Variants in EHBP1 observed in about 807,000 individuals in gnomAD.
EHBP1 encodes the protein EH domain-binding protein 1.
A neutral mutation model predicts 144.0 loss-of-function variants in EHBP1; 55 were observed. The observed-to-expected ratio is 0.38, with a 90% CI of 0.31 to 0.48. The LOEUF (loss-of-function observed/expected upper bound fraction) is 0.48, where lower values mean the gene tolerates loss of function less well. Among genes scored for constraint, EHBP1 ranks in the 20% least tolerant of loss-of-function variants. The probability of loss-of-function intolerance (pLI) is 0.98; values close to 1 mark genes in which losing one functional copy is unlikely to be tolerated. For synonymous variants in EHBP1, 469 were observed against 472.7 expected, an observed-to-expected ratio of 0.99 and a Z score of 0.10; for missense variants, 1,200 against 1,364.2, an observed-to-expected ratio of 0.88 and a Z score of 1.90.
intron 10 of EHBP1, among the ~76,000 whole-genome samples, chr2:62,912,969 G>A (rs1483682317): frequency 6.6e-6 from 1 of 152,162 alleles, no homozygotes; most frequent in Admixed American, 6.5e-5. Flanking sequence ...GATGCCAAGT[G>A]TGGATAATCA....
At chr2:62,885,292 G>A (rs377053981) in intron 10 of EHBP1, among the ~76,000 whole-genome samples, 5 of 152,020 alleles carry the variant, frequency 3.3e-5, no homozygotes, top group South Asian at 4.2e-4. Context: ...AATTCAAACT[G>A]CCCCACAGGC....
intron 1 of EHBP1, among the ~76,000 whole-genome samples, chr2:62,676,466 G>A (rs2033298000): frequency 6.6e-6 from 1 of 152,082 alleles, no homozygotes; most frequent in Non-Finnish European, 1.5e-5. Context: ...TTAAAAAATG[G>A]CCAGTGATGG....
At chr2:62,988,068 C>A in intron 15 of EHBP1, 2 of 1,282,756 alleles carry the variant, frequency 1.6e-6, no homozygotes, top group Non-Finnish European at 2.3e-6. Context: ...GTTTTGTGTC[C>A]TGCTGCATGG....
At chr2:62,698,706 A>G (rs747177138) in intron 1 of EHBP1, among the ~76,000 whole-genome samples, 1 of 152,250 alleles carries the variant, frequency 6.6e-6, no homozygotes, top group Non-Finnish European at 1.5e-5. Context: ...CTGTAAGCCC[A>G]GTCACTAATT....
chr2:62,705,539 G>A (rs2034461791), upstream of EHBP1: 1 of 152,104 alleles, frequency 6.6e-6, no homozygotes, highest in African/African-American at 2.4e-5. Flanking sequence ...TCCGGCTTCG[G>A]GGAAAAACCA....
chr2:63,036,543 A>T lies in EHBP1; in HGVS notation c.3104-992A>T, dbSNP rs562480209. Among the ~76,000 whole-genome samples, 14 of 152,112 alleles carry T rather than the reference A, an allele frequency of 9.2e-5. No individual in the cohort carries two copies. In the South Asian group the frequency reaches 1.5e-3, roughly 16 times the overall value. ...AATAGATATTTAAATTAACCTTATG[A>T]ATGCCATACAGAAGTTAGACTGAAA... On this transcript the variant is annotated intron_variant, in intron 19 of 22. Coordinates refer to ENST00000431489, the MANE Select transcript of EHBP1 (RefSeq NM_001142616.3).
chr2:62,831,590 T>C (rs1378944845), intron 7 of EHBP1, among the ~76,000 whole-genome samples: 1 of 152,244 alleles, frequency 6.6e-6, no homozygotes, highest in Non-Finnish European at 1.5e-5. Flanking sequence ...ATATATCTTA[T>C]GTATCCTGGT....
At chr2:62,773,178 T>C (rs562410227) in intron 5 of EHBP1, among the ~76,000 whole-genome samples, 1 of 152,250 alleles carries the variant, frequency 6.6e-6, no homozygotes, top group East Asian at 1.9e-4. Context: ...ACAAAGGAAG[T>C]GCTATATTCT....
intron 10 of EHBP1, among the ~76,000 whole-genome samples, chr2:62,939,144 AT>A (rs1334214672): frequency 6.6e-6 from 1 of 152,236 alleles, no homozygotes; most frequent in African/African-American, 2.4e-5. Flanking sequence ...CAGACAGATA[AT>A]AACCAGTAAG....
intron 15 of EHBP1, among the ~76,000 whole-genome samples, 175 bp downstream of exon 15, chr2:62,979,510 G>A (rs2058866345): frequency 6.6e-6 from 1 of 152,206 alleles, no homozygotes; most frequent in South Asian, 2.1e-4. Context: ...AACTGTTGCT[G>A]CTTTCCACAT....
chr2:62,802,860 G>T (rs1223519817), intron 5 of EHBP1, among the ~76,000 whole-genome samples: 2 of 151,986 alleles, frequency 1.3e-5, no homozygotes, highest in African/African-American at 2.4e-5. Flanking sequence ...CAATAGCTGG[G>T]ATTAGAGGTG....
chr2:62,985,444 G>A (rs146309132), intron 15 of EHBP1, among the ~76,000 whole-genome samples: 1 of 152,230 alleles, frequency 6.6e-6, no homozygotes, highest in East Asian at 1.9e-4. Flanking sequence ...AGGTACTTCC[G>A]TTGAAAACTG....
intron 6 of EHBP1, 193 bp downstream of exon 6, chr2:62,826,461 G>C (rs750732724): frequency 1.5e-5 from 7 of 470,512 alleles, no homozygotes; most frequent in Non-Finnish European, 2.6e-5. Context: ...AGAATGTACA[G>C]TAATATAAAC....
rs573492174 is a variant in EHBP1, at chr2:62,949,154, A to G, written c.2308A>G (p.Ile770Val). Residue 770 changes from isoleucine (I) to valine (V), a missense_variant, in exon 13 of 23, where the codon ATA becomes GTA. Ile to Val is a conservative substitution (Grantham distance 29). Around this residue, in one of 6 missense-constraint regions of EHBP1, gnomAD observed 543 missense variants for 513.1 expected, o/e 1.06. Transcript: ENST00000431489. ...TLNHADHSSK[I>V]VQHRLLSRQE... Reference sequence around the variant, plus strand: ...AAATCATGCAGATCATTCATCAAAAATAGTCCAGGTAAGTGAGTTAGAATG... The same window carrying G: ...AAATCATGCAGATCATTCATCAAAAGTAGTCCAGGTAAGTGAGTTAGAATG... 9 of 1,550,216 alleles carry G rather than the reference A, an allele frequency of 5.8e-6. No individual in the cohort carries two copies. The African/African-American group carries it at 8.3e-5, about 14-fold the overall frequency.
intron 1 of EHBP1, among the ~76,000 whole-genome samples, chr2:62,694,367 C>A (rs559806351): frequency 1.3e-4 from 19 of 151,992 alleles, no homozygotes; most frequent in Non-Finnish European, 2.2e-4. Flanking sequence ...GGAATGATAT[C>A]TTATATCTTA....
intron 15 of EHBP1, among the ~76,000 whole-genome samples, chr2:62,986,401 C>T (rs2153218935): frequency 6.6e-6 from 1 of 151,356 alleles, no homozygotes; most frequent in South Asian, 2.1e-4. Context: ...TTTTTGCCCC[C>T]CTGGTGTGGG....
At chr2:63,002,940 A>C (rs565610110) in intron 19 of EHBP1, among the ~76,000 whole-genome samples, 9 of 152,034 alleles carry the variant, frequency 5.9e-5, no homozygotes, top group Admixed American at 5.9e-4. Context: ...TCATGTAACT[A>C]TTTTATACTA....
chr2:62,923,526 G>A (rs996422057), intron 10 of EHBP1, among the ~76,000 whole-genome samples: 2 of 152,182 alleles, frequency 1.3e-5, no homozygotes, highest in Non-Finnish European at 2.9e-5. Flanking sequence ...CATCTCTGCA[G>A]GCTGGCCCTG....
chr2:62,967,655 A>C (rs1030911406), intron 14 of EHBP1, among the ~76,000 whole-genome samples: 1 of 152,214 alleles, frequency 6.6e-6, no homozygotes, highest in Non-Finnish European at 1.5e-5. Flanking sequence ...TTTCAAGTAC[A>C]TCTCAGGAAT....
Sources: allele counts gnomAD v4.1 joint callset (sites outside exome capture counted in the v4.1 genomes callset), GRCh38; gene constraint gnomAD v4.1.1; regional missense constraint gnomAD v4.1.1; transcripts MANE v1.5; gene names NCBI Gene and HGNC (gene_info 2026-07-23, HGNC 2026-07-21).